Variants in MTREX observed in about 807,000 individuals in gnomAD.
MTREX encodes the protein exosome RNA helicase MTR4.
MTREX carries 76 observed loss-of-function variants against 135.4 expected under a neutral mutation model. The observed-to-expected ratio is 0.56, with a 90% confidence interval of 0.47 to 0.68. The LOEUF (loss-of-function observed/expected upper bound fraction) is 0.68. Ranked by LOEUF, MTREX falls within the 30% of genes least tolerant of loss-of-function variation. The probability of loss-of-function intolerance (pLI) is 0.00; values close to 1 mark genes in which losing one functional copy is unlikely to be tolerated. For synonymous variants in MTREX, 404 were observed against 401.6 expected (o/e 1.01, Z -0.07); for missense variants, 920 against 1,262.1 (o/e 0.73, Z 4.11).
At chr5:55,344,352 A>G (rs1749697278) in intron 8 of MTREX, among the ~76,000 whole-genome samples, 170 bp from the exon 9 acceptor site, 1 of 151,848 alleles carries the variant, frequency 6.6e-6, no homozygotes, top group Admixed American at 6.6e-5. Flanking sequence ...CATAGACCTA[A>G]TTTTTCTACG....
chr5:55,336,278 T>A (rs1051607337), intron 5 of MTREX, among the ~76,000 whole-genome samples: 1 of 152,160 alleles, frequency 6.6e-6, no homozygotes, highest in Non-Finnish European at 1.5e-5. Flanking sequence ...AGAGTGGACA[T>A]CCTTGCCTTA....
At chr5:55,322,543 T>A in intron 2 of MTREX, 79 bp downstream of exon 2, 1 of 1,084,644 alleles carries the variant, frequency 9.2e-7, no homozygotes, top group South Asian at 1.9e-5. Context: ...GTCTCCATGT[T>A]GCTACTTAGA....
At chr5:55,334,100 T>A (rs1459170505) in intron 5 of MTREX, among the ~76,000 whole-genome samples, 2 of 152,166 alleles carry the variant, frequency 1.3e-5, no homozygotes, top group Non-Finnish European at 2.9e-5. Flanking sequence ...ATTCCATTTA[T>A]GTGAAATATC....
In MTREX at chr5:55,349,438, C is replaced by G. The variant is rs1328250917; in HGVS notation, c.1241-135C>G. The G allele has an allele frequency of 6.7e-6, 4 of 592,894 alleles. No individual in the cohort carries two copies. In the East Asian group the frequency reaches 1.2e-4, roughly 18 times the overall value. 36.7% of individuals were successfully genotyped at this position (592,894 alleles called of 1,614,324 possible). A position where few individuals can be genotyped will look rare whatever the true frequency, so the allele number is the denominator to read the frequency against. On this transcript the variant is annotated intron_variant, in intron 11 of 26. Transcript: ENST00000230640. The stretch of plus-strand genomic sequence containing the variant: ...TTCTGGCCTCAAGCCAGCCACCTGC[C>G]TCAGCCTCCCTAAGTGCTAGGATTA...
At chr5:55,349,003 G>T (rs1396328844) in intron 11 of MTREX, among the ~76,000 whole-genome samples, 1 of 151,990 alleles carries the variant, frequency 6.6e-6, no homozygotes, top group East Asian at 1.9e-4. Flanking sequence ...CTTAAATGTT[G>T]TATGTAAAGC....
chr5:55,376,821 G>A lies in MTREX; in HGVS notation c.1811-1493G>A, dbSNP rs1356304165. On this transcript the variant is annotated intron_variant, in intron 16 of 26. Transcript: ENST00000230640. ...GTGGTGGCTCACGCCTGTAATTCTA[G>A]CACTTTGGGAGGCCAAGGCAGGTGG... is the stretch of plus-strand genomic sequence containing the variant. 2.6e-5 allele frequency among the ~76,000 whole-genome samples: 4 copies of A among 152,164 alleles called. No homozygotes were observed. The East Asian group carries it at 5.8e-4, about 22-fold the overall frequency.
chr5:55,355,601 G>A (rs770888285), intron 14 of MTREX, among the ~76,000 whole-genome samples: 2 of 152,190 alleles, frequency 1.3e-5, no homozygotes, highest in Non-Finnish European at 2.9e-5. Context: ...CACCAGCATG[G>A]CCACACCATC....
At position 55,416,001 on chromosome 5, in the gene MTREX, C is replaced by A. The variant is rs2111622833; in HGVS notation, c.2840C>A (p.Ala947Glu). 9 of 1,591,298 alleles carry A rather than the reference C, an allele frequency of 5.7e-6. No individual in the cohort carries two copies. In the East Asian group the frequency reaches 2.1e-4, roughly 37 times the overall value. The change falls in exon 25 of 27, where the codon GCA (alanine) becomes GAA (glutamate). Residue 947 changes from alanine (A) to glutamate (E), a missense_variant. Physicochemically the swap from Ala to Glu is moderately radical, Grantham distance 107. This residue lies in a region of MTREX where 467 missense variants were observed against 589.7 expected (regional missense o/e 0.79). Coordinates refer to ENST00000230640, the MANE Select transcript of MTREX (RefSeq NM_015360.5). ...ECAKRIAKVS[A>E]EAKLEIDEET... ...GCTAAAAGAATTGCAAAAGTTTCAG[C>A]AGAAGCCAAATTGGAAATTGATGAG...
chr5:55,342,010 T>C (rs112842334), intron 7 of MTREX, among the ~76,000 whole-genome samples: 60 of 152,286 alleles, frequency 3.9e-4, no homozygotes, highest in African/African-American at 1.4e-3. Context: ...GCTGCAGCCT[T>C]GATCTCCATC....
At chr5:55,414,029 T>C (rs906806072) in intron 23 of MTREX, among the ~76,000 whole-genome samples, 153 bp from the exon 24 acceptor site, 8 of 152,236 alleles carry the variant, frequency 5.3e-5, no homozygotes, top group South Asian at 2.1e-4. Context: ...CTGTGTAAAC[T>C]GAATTGATTA....
chr5:55,377,366 G>A (rs894793744), intron 16 of MTREX, among the ~76,000 whole-genome samples: 24 of 152,028 alleles, frequency 1.6e-4, no homozygotes, highest in Non-Finnish European at 2.6e-4. Context: ...TTTTAAAAAC[G>A]GAATTACACA....
chr5:55,384,795 C>G (rs889734669), intron 18 of MTREX, among the ~76,000 whole-genome samples: 5 of 152,094 alleles, frequency 3.3e-5, no homozygotes, highest in Non-Finnish European at 5.9e-5. Flanking sequence ...CTTGGTTATG[C>G]CCACAGTCAC....
At chr5:55,359,587 A>G (rs947579789) in intron 15 of MTREX, among the ~76,000 whole-genome samples, 2 of 152,180 alleles carry the variant, frequency 1.3e-5, no homozygotes, top group Non-Finnish European at 2.9e-5. Flanking sequence ...TTGTCTGTAC[A>G]TATTCATAAT....
chr5:55,401,369 T>C (rs967900650), intron 21 of MTREX, among the ~76,000 whole-genome samples: 16 of 152,218 alleles, frequency 1.1e-4, no homozygotes, highest in African/African-American at 3.9e-4. Context: ...GGATATGCCA[T>C]ATTTTGTTTA....
At chr5:55,334,767 G>C (rs183321871) in intron 5 of MTREX, among the ~76,000 whole-genome samples, 45 of 152,126 alleles carry the variant, frequency 3.0e-4, no homozygotes, top group African/African-American at 9.9e-4. Flanking sequence ...GGCAAACACT[G>C]ATCATCTTTT....
At chr5:55,324,226 A>C (rs762910087) in intron 3 of MTREX, 28 bp downstream of exon 3, 1 of 1,546,030 alleles carries the variant, frequency 6.5e-7, no homozygotes, top group East Asian at 2.3e-5. Context: ...ACAGAAGGTT[A>C]GTGTTACAAA....
intron 17 of MTREX, 133 bp from the exon 18 acceptor site, chr5:55,378,994 G>A (rs1023575088): frequency 1.5e-5 from 9 of 610,900 alleles, no homozygotes; most frequent in Admixed American, 3.1e-5. Context: ...CTTAAATTTA[G>A]CAGTGCTCTT....
At chr5:55,410,381 TTAAA>T (rs1167391366) in intron 22 of MTREX, 139 bp from the exon 23 acceptor site, 7 of 440,556 alleles carry the variant, frequency 1.6e-5, no homozygotes, top group South Asian at 1.2e-4. Flanking sequence ...TACTATGTCC[TTAAA>T]TAAATCATTG....
chr5:55,333,678 C>G (rs1460514932), intron 5 of MTREX, among the ~76,000 whole-genome samples: 1 of 152,078 alleles, frequency 6.6e-6, no homozygotes, highest in Non-Finnish European at 1.5e-5. Flanking sequence ...GGAAAACAGT[C>G]TGGCAATTCT....
Sources: allele counts gnomAD v4.1 joint callset (sites outside exome capture counted in the v4.1 genomes callset), GRCh38; gene constraint gnomAD v4.1.1; regional missense constraint gnomAD v4.1.1; transcripts MANE v1.5; gene names NCBI Gene and HGNC (gene_info 2026-07-23, HGNC 2026-07-21).